MACROD2: variants seen among roughly 807,000 people sequenced by gnomAD.
MACROD2 encodes mono-ADP ribosylhydrolase 2.
MACROD2 carries 36 observed loss-of-function variants against 70.4 expected under a neutral mutation model. That is an observed-to-expected ratio of 0.51 (90% CI 0.39 to 0.68). The LOEUF (loss-of-function observed/expected upper bound fraction) is 0.68. MACROD2 is among the 30% of genes least tolerant of loss of function. MACROD2 has a pLI of 0.00. For missense variants in MACROD2, 496 were observed against 538.4 expected (o/e 0.92, Z 0.78); for synonymous variants, 172 against 178.8 (o/e 0.96, Z 0.30).
chr20:15,526,647 T>C (rs1028978287), intron 8 of MACROD2, among the ~76,000 whole-genome samples: 1 of 152,180 alleles, frequency 6.6e-6, no homozygotes, highest in African/African-American at 2.4e-5. Context: ...CAATTATATA[T>C]GAGATGCAGA....
At chr20:15,476,114 A>G (rs2047019306) in intron 7 of MACROD2, among the ~76,000 whole-genome samples, 1 of 152,238 alleles carries the variant, frequency 6.6e-6, no homozygotes, top group Non-Finnish European at 1.5e-5. Flanking sequence ...AAGATAAGTT[A>G]TCTAGATTTT....
chr20:15,481,965 A>G (rs936898022), intron 7 of MACROD2, among the ~76,000 whole-genome samples: 1 of 151,862 alleles, frequency 6.6e-6, no homozygotes, highest in Non-Finnish European at 1.5e-5. Context: ...TTAGAACAGC[A>G]TTGGGGGGTT....
chr20:15,329,768 T>A (rs930052011), intron 6 of MACROD2, among the ~76,000 whole-genome samples: 12 of 152,034 alleles, frequency 7.9e-5, no homozygotes, highest in African/African-American at 2.9e-4. Context: ...ATGCAGATAA[T>A]TTTAGGATTC....
At chr20:15,567,361 A>G (rs1600601703) in intron 8 of MACROD2, among the ~76,000 whole-genome samples, 1 of 152,330 alleles carries the variant, frequency 6.6e-6, no homozygotes, top group East Asian at 1.9e-4. Flanking sequence ...TGTTTATGTC[A>G]GGCAAATGTG....
intron 5 of MACROD2, among the ~76,000 whole-genome samples, chr20:15,110,270 T>G (rs542659970): frequency 2.6e-5 from 4 of 152,292 alleles, no homozygotes; most frequent in Middle Eastern, 3.4e-3. Context: ...TAGACCATTT[T>G]TTCCTTGGTT....
chr20:15,586,780 A>T (rs2146658738), intron 8 of MACROD2, among the ~76,000 whole-genome samples: 1 of 152,326 alleles, frequency 6.6e-6, no homozygotes. Flanking sequence ...AATATCAGTA[A>T]ATTTTCTGTA....
chr20:14,047,551 A>C (rs939010114), intron 2 of MACROD2, among the ~76,000 whole-genome samples: 1 of 151,542 alleles, frequency 6.6e-6, no homozygotes, highest in African/African-American at 2.4e-5. Flanking sequence ...TATCCAGATA[A>C]TTTTTTTTTC....
intron 5 of MACROD2, among the ~76,000 whole-genome samples, chr20:14,861,574 C>A (rs531017619): frequency 3.3e-5 from 5 of 152,064 alleles, no homozygotes; most frequent in African/African-American, 9.6e-5. Flanking sequence ...ATGCACTCTG[C>A]ATGGATCAAC....
At chr20:14,277,930 TA>T (rs1398580455) in intron 3 of MACROD2, among the ~76,000 whole-genome samples, 1 of 152,208 alleles carries the variant, frequency 6.6e-6, no homozygotes, top group African/African-American at 2.4e-5. Context: ...TTAGATTTAT[TA>T]AAAAAGCATA....
chr20:15,818,110 G>C (rs2063897134), intron 8 of MACROD2, among the ~76,000 whole-genome samples: 1 of 152,088 alleles, frequency 6.6e-6, no homozygotes, highest in African/African-American at 2.4e-5. Flanking sequence ...GCTGTTGCTG[G>C]AAAGGGGTCC....
At chr20:14,639,985 C>T (rs1392663400) in intron 4 of MACROD2, among the ~76,000 whole-genome samples, 2 of 152,018 alleles carry the variant, frequency 1.3e-5, no homozygotes, top group African/African-American at 4.8e-5. Flanking sequence ...ACCTCCAGAC[C>T]ATAGTAGGGG....
chr20:14,320,065 A>AG (rs2082645087), intron 3 of MACROD2, among the ~76,000 whole-genome samples: 1 of 152,202 alleles, frequency 6.6e-6, no homozygotes, highest in Non-Finnish European at 1.5e-5. Context: ...AGGGTTGAAG[A>AG]GGGCACTATT....
intron 5 of MACROD2, among the ~76,000 whole-genome samples, chr20:14,858,237 A>C (rs918566713): frequency 1.3e-5 from 2 of 152,134 alleles, no homozygotes; most frequent in Admixed American, 1.3e-4. Flanking sequence ...TAGCAAGGTG[A>C]TAAATACGCC....
At chr20:15,067,601 C>T (rs903620927) in intron 5 of MACROD2, among the ~76,000 whole-genome samples, 2 of 152,148 alleles carry the variant, frequency 1.3e-5, no homozygotes, top group Non-Finnish European at 2.9e-5. Flanking sequence ...CCACCTGCCT[C>T]AGCCTCCCAA....
intron 13 of MACROD2, among the ~76,000 whole-genome samples, chr20:15,969,292 TA>T (rs1401745624): frequency 6.6e-6 from 1 of 151,584 alleles, no homozygotes; most frequent in Non-Finnish European, 1.5e-5. Context: ...ATTTGCAAAA[TA>T]TAATGTCCAG....
At chr20:15,255,824 C>G (rs770640942) in intron 6 of MACROD2, among the ~76,000 whole-genome samples, 2 of 152,034 alleles carry the variant, frequency 1.3e-5, no homozygotes. Context: ...TTGATTTGGT[C>G]TCTCACTTGA....
chr20:14,809,448 A>C (rs2072681016), intron 5 of MACROD2, among the ~76,000 whole-genome samples: 1 of 152,112 alleles, frequency 6.6e-6, no homozygotes, highest in South Asian at 2.1e-4. Context: ...TTTAGAGGGA[A>C]ATTTATAGCA....
At chr20:15,173,572 G>T (rs965017235) in intron 5 of MACROD2, among the ~76,000 whole-genome samples, 1 of 152,272 alleles carries the variant, frequency 6.6e-6, no homozygotes, top group Non-Finnish European at 1.5e-5. Flanking sequence ...GTAGCACAGA[G>T]AATCCATTCC....
At chr20:14,601,671 G>T (rs1442229816) in intron 4 of MACROD2, among the ~76,000 whole-genome samples, 3 of 151,806 alleles carry the variant, frequency 2.0e-5, no homozygotes, top group Non-Finnish European at 4.4e-5. Context: ...TGGAGGAAGG[G>T]GCCCACAGTG....
Sources: allele counts gnomAD v4.1 joint callset (sites outside exome capture counted in the v4.1 genomes callset), GRCh38; gene constraint gnomAD v4.1.1; transcripts MANE v1.5; gene names NCBI Gene and HGNC (gene_info 2026-07-23, HGNC 2026-07-21).